The following CIMIP5 variants were observed in gnomAD, a reference collection of about 807,000 sequenced individuals.
CIMIP5 encodes the protein uncharacterized protein C2orf50.
chr2:11,149,893 A>G, the CIMIP5 span, among the ~76,000 whole-genome samples: 1 of 152,306 alleles, frequency 6.6e-6, no homozygotes, highest in East Asian at 1.9e-4. Flanking sequence ...TCAGTGAGAA[A>G]GTGCAGAGTG....
At chr2:11,137,989 G>T in the CIMIP5 span, among the ~76,000 whole-genome samples, 1 of 152,284 alleles carries the variant, frequency 6.6e-6, no homozygotes, top group East Asian at 1.9e-4. Context: ...GGGACTACAG[G>T]TGCCCGCTAC....
At chr2:11,140,086 C>CAAAAAAAAAAAAAAA in the CIMIP5 span, among the ~76,000 whole-genome samples, 155 of 84,748 alleles carry the variant, frequency 1.8e-3, 3 homozygotes, top group Admixed American at 3.0e-3. Context: ...GACTCCCTCT[C>CAAAAAAAAAAAAAAA]AAAAAAAAAA....
the CIMIP5 span, among the ~76,000 whole-genome samples, chr2:11,134,710 G>A: frequency 7.2e-5 from 11 of 152,274 alleles, no homozygotes; most frequent in East Asian, 2.1e-3. Flanking sequence ...TTTGTCAATG[G>A]ACTTTTAGGT....
the CIMIP5 span, among the ~76,000 whole-genome samples, chr2:11,149,903 G>A: frequency 4.6e-5 from 7 of 152,314 alleles, no homozygotes; most frequent in South Asian, 1.4e-3. Context: ...AGTGCAGAGT[G>A]TGGTGAGTCC....
chr2:11,133,720 G>A, the CIMIP5 span: 16 of 1,391,012 alleles, frequency 1.2e-5, no homozygotes, highest in Non-Finnish European at 1.4e-5. Flanking sequence ...CATGCCCGGG[G>A]GAAGGTGGGT....
the CIMIP5 span, chr2:11,146,715 A>G: frequency 6.6e-6 from 1 of 152,202 alleles, no homozygotes; most frequent in Admixed American, 6.6e-5. Flanking sequence ...AGTGTCTGAC[A>G]TGGAAGCTGG....
At chr2:11,146,252 C>T in the CIMIP5 span, among the ~76,000 whole-genome samples, 1 of 152,302 alleles carries the variant, frequency 6.6e-6, no homozygotes, top group African/African-American at 2.4e-5. Context: ...AATGAGGCAA[C>T]TAAAGCGCAG....
At chr2:11,137,825 T>C in the CIMIP5 span, among the ~76,000 whole-genome samples, 3 of 152,294 alleles carry the variant, frequency 2.0e-5, no homozygotes, top group African/African-American at 7.2e-5. Flanking sequence ...AGGAGGTGTC[T>C]AAGAAAGGTT....
the CIMIP5 span, among the ~76,000 whole-genome samples, chr2:11,152,765 G>C: frequency 6.6e-6 from 1 of 152,020 alleles, no homozygotes; most frequent in Non-Finnish European, 1.5e-5. Flanking sequence ...CAGCTGTTTT[G>C]AGGCCATCCT....
the CIMIP5 span, among the ~76,000 whole-genome samples, chr2:11,141,379 C>T: frequency 1.2e-4 from 18 of 152,070 alleles, no homozygotes; most frequent in Admixed American, 3.3e-4. Context: ...CCAACTGCCT[C>T]GGCTTCCCAA....
the CIMIP5 span, among the ~76,000 whole-genome samples, chr2:11,135,666 GGT>G: frequency 3.2e-4 from 15 of 47,416 alleles, no homozygotes; most frequent in African/African-American, 1.4e-3. Context: ...GGGTTTTTTT[GGT>G]TTTTTTTTTT....
At chr2:11,140,268 G>T in the CIMIP5 span, among the ~76,000 whole-genome samples, 1 of 151,382 alleles carries the variant, frequency 6.6e-6, no homozygotes, top group Non-Finnish European at 1.5e-5. Flanking sequence ...CCAGCTACTC[G>T]GGAGGCTGAG....
At chr2:11,149,996 A>G in the CIMIP5 span, among the ~76,000 whole-genome samples, 1 of 152,200 alleles carries the variant, frequency 6.6e-6, no homozygotes, top group Admixed American at 6.5e-5. Context: ...CCCAGGTTGG[A>G]GTACAATGGC....
At chr2:11,144,153 G>A in the CIMIP5 span, 5 of 1,505,432 alleles carry the variant, frequency 3.3e-6, no homozygotes, top group Middle Eastern at 2.1e-4. Flanking sequence ...GTGGGTGTGG[G>A]TGGGGACAAG....
chr2:11,149,313 C>CAA, the CIMIP5 span, among the ~76,000 whole-genome samples: 5 of 118,054 alleles, frequency 4.2e-5, no homozygotes, highest in African/African-American at 8.7e-5. Flanking sequence ...GCACTCTTGC[C>CAA]AAAAAAAAAA....
At chr2:11,149,799 G>T in the CIMIP5 span, among the ~76,000 whole-genome samples, 1 of 152,116 alleles carries the variant, frequency 6.6e-6, no homozygotes. Flanking sequence ...GATTCAGCCC[G>T]TGATCCTTGA....
the CIMIP5 span, among the ~76,000 whole-genome samples, chr2:11,151,498 C>G: frequency 1.3e-5 from 2 of 152,360 alleles, no homozygotes; most frequent in East Asian, 3.9e-4. Context: ...GCTGCCTAGA[C>G]AGACCCCATT....
chr2:11,138,651 A>G, the CIMIP5 span, among the ~76,000 whole-genome samples: 2 of 152,130 alleles, frequency 1.3e-5, no homozygotes, highest in Non-Finnish European at 2.9e-5. Context: ...GTGGCTTCTC[A>G]TAAATGGTTT....
chr2:11,153,916 C>T, the CIMIP5 span, among the ~76,000 whole-genome samples: 1 of 100,462 alleles, frequency 1.0e-5, no homozygotes, highest in Non-Finnish European at 2.0e-5. Flanking sequence ...AAGAGTGAAA[C>T]TCCGTCTCAA....
Sources: gnomAD v4.1 joint callset for allele counts (sites outside exome capture counted in the v4.1 genomes callset) on GRCh38, gnomAD v4.1.1 for gene constraint, MANE v1.5 for transcripts, NCBI Gene and HGNC (gene_info 2026-07-23, HGNC 2026-07-21) for gene names.